DYRK1A: variants seen among roughly 807,000 people sequenced by gnomAD.
DYRK1A encodes the protein dual specificity tyrosine phosphorylation regulated kinase 1A.
DYRK1A carries 9 observed loss-of-function variants against 79.7 expected under a neutral mutation model. That is an observed-to-expected ratio of 0.11 (90% CI 0.07 to 0.20). The LOEUF (loss-of-function observed/expected upper bound fraction) is 0.20. Ranked by LOEUF, DYRK1A falls within the 10% of genes least tolerant of loss-of-function variation. The probability of loss-of-function intolerance (pLI) is 1.00; values close to 1 mark genes in which losing one functional copy is unlikely to be tolerated. For synonymous variants in DYRK1A, 349 were observed against 329.7 expected (o/e 1.06, Z -0.63); for missense variants, 622 against 956.0 (o/e 0.65, Z 4.61).
At chr21:37,376,255 A>G (rs2049537884) in intron 1 of DYRK1A, among the ~76,000 whole-genome samples, 1 of 152,178 alleles carries the variant, frequency 6.6e-6, no homozygotes, top group Non-Finnish European at 1.5e-5. Flanking sequence ...CATGCCTGTA[A>G]TCGCAGCACT....
At chr21:37,474,550 C>T (rs2052333678) in intron 3 of DYRK1A, among the ~76,000 whole-genome samples, 1 of 152,154 alleles carries the variant, frequency 6.6e-6, no homozygotes, top group African/African-American at 2.4e-5. Context: ...TAGGACCTGG[C>T]TTCAAGGTCT....
Position 37,372,251 on chromosome 21 carries a change from C to T in DYRK1A, c.-77+4623C>T, listed in dbSNP as rs181661631. 4.6e-5 allele frequency among the ~76,000 whole-genome samples: 7 copies of T among 150,886 alleles called. No individual in the cohort carries two copies. In the East Asian group the frequency reaches 9.8e-4, roughly 21 times the overall value. ...TTGAGGCCAGGAGTTCGAAACCAGC[C>T]TGGGCAACATGGTGAAACCCTGTCT... On this transcript the variant is annotated intron_variant, in intron 1 of 11. Transcript: ENST00000647188.
At chr21:37,368,355 ACT>A in intron 1 of DYRK1A, among the ~76,000 whole-genome samples, 1 of 152,068 alleles carries the variant, frequency 6.6e-6, no homozygotes, top group East Asian at 1.9e-4. Context: ...GCACAAACCC[ACT>A]CTCGCTTCGG....
intron 3 of DYRK1A, among the ~76,000 whole-genome samples, chr21:37,476,829 C>CCCCT (rs56657690): frequency 2.0e-5 from 3 of 147,126 alleles, no homozygotes; most frequent in African/African-American, 7.8e-5. Context: ...CCCCCCCCCC[C>CCCCT]CAACCTTATT....
At chr21:37,469,785 A>C (rs1268514259) in intron 2 of DYRK1A, among the ~76,000 whole-genome samples, 1 of 152,182 alleles carries the variant, frequency 6.6e-6, no homozygotes, top group Non-Finnish European at 1.5e-5. Flanking sequence ...ATAACCTCCT[A>C]CCGGGGCCCT....
At chr21:37,459,218 T>C (rs376279492) in intron 2 of DYRK1A, among the ~76,000 whole-genome samples, 2 of 152,200 alleles carry the variant, frequency 1.3e-5, no homozygotes, top group Non-Finnish European at 2.9e-5. Context: ...ATCATTTTAT[T>C]AGCTTGCTTG....
intron 4 of DYRK1A, among the ~76,000 whole-genome samples, chr21:37,480,020 A>G (rs2052579487): frequency 6.6e-6 from 1 of 152,066 alleles, no homozygotes; most frequent in African/African-American, 2.4e-5. Flanking sequence ...GCTGTTTTTC[A>G]TTAATCGTTA....
At chr21:37,398,503 G>A (rs933959185) in intron 1 of DYRK1A, among the ~76,000 whole-genome samples, 13 of 152,134 alleles carry the variant, frequency 8.5e-5, no homozygotes, top group African/African-American at 1.9e-4. Context: ...TTGATTTTGC[G>A]TAATTAAACA....
At position 37,519,750 on chromosome 21, in the gene DYRK1A, T is replaced by TGTTTTTTTTTTTGTTTG. The variant is rs1569413814; in HGVS notation, c.*7219_*7220insGTTTTTTTTTTTGTTTG. On this transcript the variant is annotated 3_prime_UTR_variant, in exon 12 of 12. Coordinates refer to ENST00000647188, the MANE Select transcript of DYRK1A (RefSeq NM_001347721.2). ...TGTTGTGGGAAGTTTTTTTTTTTTT[T>TGTTTTTTTTTTTGTTTG]TTTTTTTTTGAGGCGGAGTCTCGCT... The TGTTTTTTTTTTTGTTTG allele has an allele frequency of 1.5e-4, 21 of 140,818 alleles. No individual in the cohort carries two copies. Among genetic ancestry groups the TGTTTTTTTTTTTGTTTG allele is most frequent in the African/African-American group, 6.1e-4 (21 of 34,176 alleles). 8.7% of individuals were successfully genotyped at this position (140,818 alleles called of 1,614,324 possible). A position where few individuals can be genotyped will look rare whatever the true frequency, so the allele number is the denominator to read the frequency against.
chr21:37,388,773 T>C (rs2049813214), intron 1 of DYRK1A, among the ~76,000 whole-genome samples: 1 of 151,106 alleles, frequency 6.6e-6, no homozygotes, highest in Non-Finnish European at 1.5e-5. Context: ...GCCTCCCGAG[T>C]AGCTGAGACT....
intron 2 of DYRK1A, among the ~76,000 whole-genome samples, chr21:37,468,899 A>C (rs2052125129): frequency 6.6e-6 from 1 of 152,238 alleles, no homozygotes; most frequent in South Asian, 2.1e-4. Flanking sequence ...GTGACAAGGC[A>C]AGCTGCCTGT....
At chr21:37,469,317 G>A (rs1016954172) in intron 2 of DYRK1A, among the ~76,000 whole-genome samples, 1 of 152,178 alleles carries the variant, frequency 6.6e-6, no homozygotes, top group Admixed American at 6.5e-5. Context: ...AGTGTTCATA[G>A]TAGCCCCAAA....
chr21:37,417,529 C>CTTTTTTTTTTTTT (rs3216074), intron 1 of DYRK1A, among the ~76,000 whole-genome samples: 38 of 44,014 alleles, frequency 8.6e-4, no homozygotes, highest in Admixed American at 1.6e-3. Context: ...TTTTCTTTTT[C>CTTTTTTTTTTTTT]TTTTTTTTTT....
chr21:37,369,360 C>T (rs1465478476), intron 1 of DYRK1A, among the ~76,000 whole-genome samples: 4 of 152,156 alleles, frequency 2.6e-5, no homozygotes, highest in Admixed American at 2.0e-4. Context: ...AGGTTTTAAG[C>T]TGCAGAAGAT....
In DYRK1A at chr21:37,520,510, GTA is replaced by G. The variant is rs937514606; in HGVS notation, c.*7981_*7982del. 7 of 152,144 alleles carry G rather than the reference GTA, an allele frequency of 4.6e-5. No homozygotes were observed. Among genetic ancestry groups the G allele is most frequent in the African/African-American group, 1.7e-4 (7 of 41,418 alleles). 9.4% of individuals were successfully genotyped at this position (152,144 alleles called of 1,614,324 possible). A position where few individuals can be genotyped will look rare whatever the true frequency, so the allele number is the denominator to read the frequency against. On this transcript the variant is annotated 3_prime_UTR_variant, in exon 12 of 12. Coordinates refer to ENST00000647188, the MANE Select transcript of DYRK1A (RefSeq NM_001347721.2). ...TCAGTATTAGCCTGTTATTCCTAAAGTATCATCCTCTCCTTGTATCAAATATA... is the reference window on the plus strand; with the variant it reads ...TCAGTATTAGCCTGTTATTCCTAAAGTCATCCTCTCCTTGTATCAAATATA...
At chr21:37,400,081 G>A (rs2050026021) in intron 1 of DYRK1A, among the ~76,000 whole-genome samples, 1 of 152,144 alleles carries the variant, frequency 6.6e-6, no homozygotes, top group African/African-American at 2.4e-5. Context: ...GCTTTAGGAG[G>A]CTGTAGGAGA....
At chr21:37,397,781 T>TG (rs2049982435) in intron 1 of DYRK1A, among the ~76,000 whole-genome samples, 1 of 152,102 alleles carries the variant, frequency 6.6e-6, no homozygotes, top group Admixed American at 6.6e-5. Context: ...TCAGGGTGAT[T>TG]GTGATGCAGC....
At chr21:37,379,934 C>A (rs1056045853) in intron 1 of DYRK1A, among the ~76,000 whole-genome samples, 6 of 152,188 alleles carry the variant, frequency 3.9e-5, no homozygotes, top group African/African-American at 1.4e-4. Context: ...CCACTCCTGT[C>A]CCTGCTATCA....
intron 9 of DYRK1A, chr21:37,502,424 A>G (rs1024389072): frequency 3.3e-5 from 5 of 151,632 alleles, no homozygotes; most frequent in East Asian, 3.9e-4. Context: ...TTATTCCTCT[A>G]TGTGTCATGT....
Sources: allele counts gnomAD v4.1 joint callset (sites outside exome capture counted in the v4.1 genomes callset), GRCh38; gene constraint gnomAD v4.1.1; transcripts MANE v1.5; gene names NCBI Gene and HGNC (gene_info 2026-07-23, HGNC 2026-07-21).